DNAI4: variants seen among roughly 807,000 people sequenced by gnomAD.
DNAI4 encodes WD repeat domain 78.
Under a neutral mutation model 105.8 loss-of-function variants are expected in DNAI4, and 85 were observed. The ratio of observed to expected loss-of-function variants is 0.80; its 90% confidence interval spans 0.67 to 0.96. DNAI4 has a LOEUF of 0.96. Among genes scored for constraint, DNAI4 ranks in the 40% least tolerant of loss-of-function variants. The pLI is 0.00. For synonymous variants in DNAI4, 352 were observed against 331.5 expected (o/e 1.06, Z -0.67); for missense variants, 1,014 against 1,005.6 (o/e 1.01, Z -0.11).
chr1:66,905,453 T>C, intron 1 of DNAI4, 78 bp from the exon 2 acceptor site: 1 of 997,674 alleles, frequency 1.0e-6, no homozygotes, highest in African/African-American at 1.6e-5. Context: ...AAAAGTAGAT[T>C]TCCTGTAAAA....
In DNAI4 at chr1:66,847,488, T is replaced by G. The variant is rs765221381; in HGVS notation, c.1287A>C (p.Leu429Phe). 1.2e-6 allele frequency: 2 copies of G among 1,612,038 alleles called. No homozygotes were observed. The highest frequency in any genetic ancestry group is 1.7e-6 in the Non-Finnish European group (2 of 1,179,512). The change falls in exon 8 of 17, where the codon TTA becomes TTC. Residue 429 changes from leucine to phenylalanine, a missense_variant. Leu to Phe is a conservative substitution (Grantham distance 22). Coordinates refer to ENST00000371026, the MANE Select transcript of DNAI4 (RefSeq NM_024763.5). Reference protein sequence around the residue: ...KLAAYRQLPVLKEPEPEEPED... With the variant: ...KLAAYRQLPVFKEPEPEEPED... ...ATGTTTATTTTTTTTAAATACCTTT[T>G]AAAACAGGAAGCTGACGATAAGCTG... is the stretch of plus-strand genomic sequence containing the variant.
At position 66,877,458 on chromosome 1, in the gene DNAI4, CT is replaced by C. The variant is rs142816515; in HGVS notation, c.644-2522del. ...ATAATTGCTTGGACTTACCTCTAGA[CT>C]TTTTTTCAACATTTGGTAAACTTTG... is the stretch of plus-strand genomic sequence containing the variant. On this transcript the variant is annotated intron_variant, in intron 4 of 16. Transcript: ENST00000371026. Among the ~76,000 whole-genome samples the C allele has an allele frequency of 7.0e-3, 1,073 of 152,200 alleles. 6 individuals are homozygous for C. Among genetic ancestry groups the C allele is most frequent in the African/African-American group, 0.024 (1,010 of 41,514 alleles).
chr1:66,887,351 T>C (rs1171528460), intron 4 of DNAI4, among the ~76,000 whole-genome samples: 1 of 152,218 alleles, frequency 6.6e-6, no homozygotes, highest in Non-Finnish European at 1.5e-5. Context: ...CAATAAAAGT[T>C]GTTAATTTTC....
intron 10 of DNAI4, among the ~76,000 whole-genome samples, chr1:66,836,180 GAAAGAAAGAAAGAAAGAAAGAA>G (rs1557908006): frequency 1.8e-5 from 1 of 56,984 alleles, no homozygotes; most frequent in African/African-American, 6.2e-5. Context: ...AAGAAAGAAA[GAAAGAAAGAAAGAAAGAAAGAA>G]AGAAAGAGAG....
chr1:66,906,353 A>G (rs1649247722), intron 1 of DNAI4, among the ~76,000 whole-genome samples: 1 of 152,200 alleles, frequency 6.6e-6, no homozygotes, highest in Non-Finnish European at 1.5e-5. Flanking sequence ...ACTCTGTAAT[A>G]TGGATTTCTA....
At chr1:66,917,625 T>C (rs2100891817) in intron 1 of DNAI4, among the ~76,000 whole-genome samples, 1 of 152,380 alleles carries the variant, frequency 6.6e-6, no homozygotes, top group Admixed American at 6.5e-5. Context: ...CTTCAAACTT[T>C]TCTTTTGAGC....
intron 4 of DNAI4, among the ~76,000 whole-genome samples, chr1:66,877,134 C>T (rs1043349678): frequency 7.2e-5 from 11 of 152,166 alleles, no homozygotes; most frequent in African/African-American, 2.4e-4. Context: ...TAGAGAACAA[C>T]CTATGAAGCC....
chr1:66,897,233 G>T (rs1648409881), intron 2 of DNAI4, among the ~76,000 whole-genome samples: 1 of 152,198 alleles, frequency 6.6e-6, no homozygotes. Context: ...ATTTAAGAGT[G>T]ACAAACTAGG....
At chr1:66,913,932 C>T (rs1329931002) in intron 1 of DNAI4, among the ~76,000 whole-genome samples, 1 of 150,224 alleles carries the variant, frequency 6.7e-6, no homozygotes, top group Non-Finnish European at 1.5e-5. Context: ...TGCAGTGAGC[C>T]TAGGTCGCGC....
At chr1:66,888,943 T>C (rs1006408058) in intron 4 of DNAI4, among the ~76,000 whole-genome samples, 2 of 152,124 alleles carry the variant, frequency 1.3e-5, no homozygotes, top group Non-Finnish European at 1.5e-5. Flanking sequence ...GTTGTGTTTC[T>C]AAAAAAATCA....
chr1:66,832,058 A>G (rs1433116005), intron 13 of DNAI4, among the ~76,000 whole-genome samples: 1 of 152,118 alleles, frequency 6.6e-6, no homozygotes. Context: ...CCCCACCCTC[A>G]CCTCAATTCC....
intron 3 of DNAI4, among the ~76,000 whole-genome samples, chr1:66,892,266 C>A (rs1048608799): frequency 6.6e-6 from 1 of 152,048 alleles, no homozygotes; most frequent in Admixed American, 6.6e-5. Context: ...CAGGCAAATT[C>A]AGAGGCAAGC....
chr1:66,843,956 A>G (rs910894303), intron 8 of DNAI4, among the ~76,000 whole-genome samples: 4 of 151,930 alleles, frequency 2.6e-5, no homozygotes, highest in Non-Finnish European at 5.9e-5. Flanking sequence ...CAAGAAAAAA[A>G]TGTGAAATCA....
chr1:66,822,308 A>G (rs981097279), intron 16 of DNAI4, 53 bp downstream of exon 16: 2 of 1,444,762 alleles, frequency 1.4e-6, no homozygotes, highest in Non-Finnish European at 1.9e-6. Flanking sequence ...CTACAAAAGT[A>G]TAACTGAATA....
At chr1:66,846,561 C>T (rs1646279893) in intron 8 of DNAI4, among the ~76,000 whole-genome samples, 1 of 152,226 alleles carries the variant, frequency 6.6e-6, no homozygotes, top group East Asian at 1.9e-4. Context: ...ATATAGCTAA[C>T]TTTTAGAGTC....
chr1:66,922,994 T>A (rs533868510), intron 1 of DNAI4, among the ~76,000 whole-genome samples: 15 of 152,258 alleles, frequency 9.9e-5, no homozygotes, highest in African/African-American at 3.4e-4. Flanking sequence ...CAGTCCTGGA[T>A]CATCAACAAT....
chr1:66,906,126 T>A (rs1649231404), intron 1 of DNAI4, among the ~76,000 whole-genome samples: 1 of 152,042 alleles, frequency 6.6e-6, no homozygotes, highest in Non-Finnish European at 1.5e-5. Context: ...TTTCACCATG[T>A]TGGCCAGGCT....
intron 1 of DNAI4, among the ~76,000 whole-genome samples, chr1:66,907,716 T>C (rs1649366661): frequency 6.6e-6 from 1 of 152,256 alleles, no homozygotes; most frequent in Non-Finnish European, 1.5e-5. Context: ...TCAATATCCA[T>C]GAAGGTAATC....
intron 6 of DNAI4, among the ~76,000 whole-genome samples, chr1:66,867,398 C>T (rs916497640): frequency 6.6e-6 from 1 of 152,092 alleles, no homozygotes; most frequent in Non-Finnish European, 1.5e-5. Context: ...TTTTAGGAAC[C>T]ATTATTGACT....
Sources: allele counts gnomAD v4.1 joint callset (sites outside exome capture counted in the v4.1 genomes callset), GRCh38; gene constraint gnomAD v4.1.1; transcripts MANE v1.5; gene names NCBI Gene and HGNC (gene_info 2026-07-23, HGNC 2026-07-21).